BCAS3: variants seen among roughly 807,000 people sequenced by gnomAD.
BCAS3 encodes the protein BCAS3 microtubule associated cell migration factor, also known as BCAS4/BCAS3 fusion.
Under a neutral mutation model 116.1 loss-of-function variants are expected in BCAS3, and 53 were observed. The observed-to-expected ratio is 0.46, with a 90% confidence interval of 0.37 to 0.57. The LOEUF is 0.57. Ranked by LOEUF, BCAS3 falls within the 20% of genes least tolerant of loss-of-function variation. The pLI, the probability that BCAS3 is intolerant of heterozygous loss-of-function variation, is 0.00. For missense variants in BCAS3, 917 were observed against 1,165.4 expected, an observed-to-expected ratio of 0.79 and a Z score of 3.10; for synonymous variants, 391 against 408.2, an observed-to-expected ratio of 0.96 and a Z score of 0.51.
chr17:60,872,158 A>C (rs374843949), intron 8 of BCAS3, among the ~76,000 whole-genome samples: 1 of 151,928 alleles, frequency 6.6e-6, no homozygotes, highest in South Asian at 2.1e-4. Context: ...TGGTGTAGAC[A>C]TAATATGGTA....
Position 61,196,308 on chromosome 17 carries a change from G to T in BCAS3, c.2425+111744G>T, listed in dbSNP as rs1003304356. 1.3e-5 allele frequency among the ~76,000 whole-genome samples: 2 copies of T among 152,192 alleles called. No homozygotes were observed. The highest frequency in any genetic ancestry group is 2.9e-5 in the Non-Finnish European group (2 of 68,048). ...ACACCGGTCCCTTGGATTACACTGT[G>T]CATCCATTGTCTGAACTGTCACAGC... On this transcript the variant is annotated intron_variant, in intron 22 of 23. Transcript: ENST00000407086. This position sits in a 1 kb window ranked among gnomAD's most constrained non-coding sequence, Gnocchi z 4.7.
chr17:61,267,871 T>G (rs2049884976), intron 22 of BCAS3, among the ~76,000 whole-genome samples: 2 of 152,178 alleles, frequency 1.3e-5, no homozygotes. Context: ...TCCTTTGTTT[T>G]ATTCTCCTCC....
chr17:61,150,638 A>G (rs1050946391), intron 22 of BCAS3, among the ~76,000 whole-genome samples: 3 of 152,206 alleles, frequency 2.0e-5, no homozygotes, highest in African/African-American at 7.2e-5. Context: ...AACTCTCCTC[A>G]TTAATTCCTG....
At chr17:60,678,207 G>C (rs1336607851) in intron 1 of BCAS3, among the ~76,000 whole-genome samples, 1 of 152,210 alleles carries the variant, frequency 6.6e-6, no homozygotes, top group Non-Finnish European at 1.5e-5. Flanking sequence ...TTGGGAGACT[G>C]TGGTTCGAGA....
intron 22 of BCAS3, among the ~76,000 whole-genome samples, chr17:61,116,270 A>AATC (rs1555725381): frequency 1.3e-3 from 54 of 41,768 alleles, no homozygotes; most frequent in African/African-American, 1.7e-3. Flanking sequence ...ATAAATAAAT[A>AATC]AATAAAATAA....
At chr17:60,764,919 C>A (rs2043930967) in intron 6 of BCAS3, among the ~76,000 whole-genome samples, 1 of 151,480 alleles carries the variant, frequency 6.6e-6, no homozygotes, top group Non-Finnish European at 1.5e-5. Context: ...GTTAGCTCTT[C>A]TTGTTGAATT....
chr17:61,364,953 G>A lies in BCAS3; in HGVS notation c.2426-3374G>A, dbSNP rs1346903153. Among the ~76,000 whole-genome samples the A allele has an allele frequency of 6.6e-6, 1 of 152,140 alleles. No homozygotes were observed. Among genetic ancestry groups the A allele is most frequent in the South Asian group, 2.1e-4 (1 of 4,832 alleles). ...AGAATTTATGATGATGCCCCAAGTGGTATAAAGGCATACATATTTGTCATT... is the reference window on the plus strand; with the variant it reads ...AGAATTTATGATGATGCCCCAAGTGATATAAAGGCATACATATTTGTCATT... On this transcript the variant is annotated intron_variant, in intron 22 of 23. Transcript: ENST00000407086. The surrounding 1 kb of genome is among the most constrained non-coding windows in gnomAD (Gnocchi z 5.4).
chr17:61,002,694 G>T (rs2064329707), intron 15 of BCAS3: 1 of 152,062 alleles, frequency 6.6e-6, no homozygotes, highest in East Asian at 1.9e-4. Context: ...ACCATTGAAT[G>T]AATAGAGGCA....
intron 22 of BCAS3, among the ~76,000 whole-genome samples, chr17:61,266,286 T>C (rs1184273553): frequency 6.6e-6 from 1 of 152,078 alleles, no homozygotes; most frequent in East Asian, 1.9e-4. Context: ...GTGCAATAGG[T>C]AAAGGAGACA....
Position 61,146,625 on chromosome 17 carries a change from G to A in BCAS3, c.2425+62061G>A, listed in dbSNP as rs542797601. Among the ~76,000 whole-genome samples the A allele has an allele frequency of 2.6e-5, 4 of 152,266 alleles. No homozygotes were observed. The East Asian group carries it at 7.7e-4, about 29-fold the overall frequency. On this transcript the variant is annotated intron_variant, in intron 22 of 23. Transcript: ENST00000407086. ...TAAAGTAAAAATGATAGAATCTTGA[G>A]CTAGAGTGGCAGATTTGAATTCTAG...
At chr17:60,694,628 G>A (rs1302778084) in intron 4 of BCAS3, among the ~76,000 whole-genome samples, 1 of 151,118 alleles carries the variant, frequency 6.6e-6, no homozygotes, top group African/African-American at 2.4e-5. Context: ...TTAGGCGTGA[G>A]CCACCATGCA....
chr17:61,385,671 G>A (rs978036396), intron 23 of BCAS3, among the ~76,000 whole-genome samples: 1 of 152,238 alleles, frequency 6.6e-6, no homozygotes, highest in Admixed American at 6.5e-5. Context: ...GTGCCGCGAA[G>A]CCATCCGCTC....
intron 9 of BCAS3, among the ~76,000 whole-genome samples, chr17:60,878,530 T>G (rs2055833188): frequency 6.6e-6 from 1 of 152,236 alleles, no homozygotes. Context: ...CAACATGCAC[T>G]TAATATGAAA....
chr17:61,388,363 T>TC lies in BCAS3; in HGVS notation c.2594-3609dup, dbSNP rs2059958775. 7 of 439,782 alleles carry TC rather than the reference T, an allele frequency of 1.6e-5. No homozygotes were observed. Among genetic ancestry groups the TC allele is most frequent in the South Asian group, 2.9e-5 (1 of 34,088 alleles). 27.2% of individuals were successfully genotyped at this position (439,782 alleles called of 1,614,324 possible). On this transcript the variant is annotated intron_variant, in intron 23 of 23. Coordinates refer to ENST00000407086, the MANE Select transcript of BCAS3 (RefSeq NM_017679.5). The surrounding 1 kb of genome is among the most constrained non-coding windows in gnomAD (Gnocchi z 6.5). ...CTTCATGTTGAACCTGTGACTCCTC[T>TC]CCCCCTCCCCCACTCTGAACGGGGT...
At chr17:60,759,831 A>G (rs112766035) in intron 6 of BCAS3, among the ~76,000 whole-genome samples, 31 of 152,092 alleles carry the variant, frequency 2.0e-4, no homozygotes, top group African/African-American at 6.7e-4. Context: ...TGCCTGGCTA[A>G]CTTTTAAAAA....
In BCAS3 at chr17:61,352,922, A is replaced by G. The variant is rs1246292868; in HGVS notation, c.2426-15405A>G. Reference sequence around the variant, plus strand: ...GTATGAATTTCTCTTGTTTGCTTTAATGGAGTGTTAACCCCCGTCGCTGGA... The same window carrying G: ...GTATGAATTTCTCTTGTTTGCTTTAGTGGAGTGTTAACCCCCGTCGCTGGA... On this transcript the variant is annotated intron_variant, in intron 22 of 23. Transcript: ENST00000407086. This position sits in a 1 kb window ranked among gnomAD's most constrained non-coding sequence, Gnocchi z 4.7. 1.3e-5 allele frequency among the ~76,000 whole-genome samples: 2 copies of G among 152,194 alleles called. No homozygotes were observed. The highest frequency in any genetic ancestry group is 4.8e-5 in the African/African-American group (2 of 41,460).
At chr17:61,100,814 G>A (rs1189206367) in intron 22 of BCAS3, among the ~76,000 whole-genome samples, 2 of 152,094 alleles carry the variant, frequency 1.3e-5, no homozygotes, top group Admixed American at 6.5e-5. Context: ...ACACGGCCCT[G>A]CATTATCCAT....
intron 13 of BCAS3, among the ~76,000 whole-genome samples, chr17:60,931,824 A>G (rs566344676): frequency 1.3e-5 from 2 of 152,162 alleles, no homozygotes; most frequent in East Asian, 1.9e-4. Flanking sequence ...TTTAATCTCA[A>G]TACTTTGGGA....
intron 6 of BCAS3, among the ~76,000 whole-genome samples, chr17:60,749,907 C>G (rs1416718374): frequency 4.6e-5 from 7 of 152,288 alleles, no homozygotes; most frequent in South Asian, 2.1e-4. Flanking sequence ...GTGGTTCATG[C>G]CTGTAATCCC....
Sources: allele counts gnomAD v4.1 joint callset (sites outside exome capture counted in the v4.1 genomes callset), GRCh38; gene constraint gnomAD v4.1.1; non-coding constraint Gnocchi (gnomAD v3.1); transcripts MANE v1.5; gene names NCBI Gene and HGNC (gene_info 2026-07-23, HGNC 2026-07-21).